Variants in MAML2 observed in about 807,000 individuals in gnomAD.
MAML2 encodes mastermind like transcriptional coactivator 2, also known as mastermind-like protein 2.
In MAML2, 22 loss-of-function variants were observed where a neutral mutation model predicts 96.1. The observed-to-expected ratio is 0.23, with a 90% confidence interval of 0.16 to 0.33. The LOEUF is 0.33. Ranked by LOEUF, MAML2 falls within the 10% of genes least tolerant of loss-of-function variation. The pLI is 1.00. For missense variants in MAML2, 1,367 were observed against 1,392.4 expected (o/e 0.98, Z 0.29); for synonymous variants, 561 against 521.3 (o/e 1.08, Z -1.04).
chr11:96,057,622 A>G (rs1167554737), intron 2 of MAML2, among the ~76,000 whole-genome samples: 1 of 152,228 alleles, frequency 6.6e-6, no homozygotes, highest in Non-Finnish European at 1.5e-5. Context: ...AAAGATTCAC[A>G]TTATTACGAC....
At chr11:96,149,074 C>G (rs1023675162) in intron 1 of MAML2, among the ~76,000 whole-genome samples, 2 of 152,146 alleles carry the variant, frequency 1.3e-5, no homozygotes, top group Non-Finnish European at 2.9e-5. Context: ...CTGTGACATG[C>G]AACCCAGTCA....
At chr11:96,030,855 A>G (rs1858603102) in intron 2 of MAML2, among the ~76,000 whole-genome samples, 1 of 152,224 alleles carries the variant, frequency 6.6e-6, no homozygotes, top group African/African-American at 2.4e-5. Context: ...ATCCCAAGGG[A>G]AAATGGTGCT....
chr11:96,127,838 ATC>A (rs1378549917), intron 1 of MAML2, among the ~76,000 whole-genome samples: 11 of 152,178 alleles, frequency 7.2e-5, no homozygotes, highest in Non-Finnish European at 1.3e-4. Context: ...CTGACTTCCC[ATC>A]CTAGTGGCCC....
chr11:96,233,371 A>G (rs956707346), intron 1 of MAML2, among the ~76,000 whole-genome samples: 1 of 150,990 alleles, frequency 6.6e-6, no homozygotes, highest in African/African-American at 2.4e-5. Flanking sequence ...AAAAAAACAG[A>G]CATTCATGTG....
At chr11:95,980,043 A>G in intron 4 of MAML2, 80 bp from the exon 5 acceptor site, 3 of 1,081,536 alleles carry the variant, frequency 2.8e-6, no homozygotes, top group Admixed American at 2.7e-5. Context: ...TAACTCATCA[A>G]TCTGAAACTG....
At chr11:96,299,912 G>A (rs1315279917) in intron 1 of MAML2, among the ~76,000 whole-genome samples, 1 of 152,236 alleles carries the variant, frequency 6.6e-6, no homozygotes, top group African/African-American at 2.4e-5. Context: ...AAGGGATAAG[G>A]AAGTCCAGGA....
At chr11:95,986,199 T>TTTTG (rs368526623) in intron 3 of MAML2, among the ~76,000 whole-genome samples, 55 of 152,112 alleles carry the variant, frequency 3.6e-4, no homozygotes, top group African/African-American at 1.1e-3. Flanking sequence ...TCTTATTTGT[T>TTTTG]TTTGTTTGTT....
At position 95,978,745 on chromosome 11, in the gene MAML2, C is replaced by T. The variant is rs1857686136; in HGVS notation, c.*203G>A. The stretch of plus-strand genomic sequence containing the variant: ...GGAGTTTAGACAGGGAAAAGTGATC[C>T]CAATATTTTACTTTCAGGTGTAAGA... On this transcript the variant is annotated 3_prime_UTR_variant, in exon 5 of 5. Coordinates refer to ENST00000524717, the MANE Select transcript of MAML2 (RefSeq NM_032427.4). The T allele has an allele frequency of 5.4e-6, 3 of 557,534 alleles. No individual in the cohort carries two copies. The highest frequency in any genetic ancestry group is 9.3e-6 in the Non-Finnish European group (3 of 320,892). 34.5% of individuals were successfully genotyped at this position (557,534 alleles called of 1,614,324 possible).
intron 1 of MAML2, among the ~76,000 whole-genome samples, chr11:96,261,292 C>T (rs1862745743): frequency 1.3e-5 from 2 of 152,152 alleles, no homozygotes; most frequent in African/African-American, 4.8e-5. Context: ...TCCCCACCAC[C>T]AAGAAGGCTA....
chr11:96,021,767 T>C (rs1043975381), intron 2 of MAML2, among the ~76,000 whole-genome samples: 4 of 152,112 alleles, frequency 2.6e-5, no homozygotes, highest in African/African-American at 7.2e-5. Flanking sequence ...GCCATTGAGA[T>C]TTTGACATTA....
intron 1 of MAML2, among the ~76,000 whole-genome samples, chr11:96,217,949 G>A (rs1862074379): frequency 6.6e-6 from 1 of 152,144 alleles, no homozygotes; most frequent in East Asian, 1.9e-4. Flanking sequence ...GACCTGAAAG[G>A]ATTTATGTCT....
intron 2 of MAML2, among the ~76,000 whole-genome samples, chr11:95,993,127 C>T (rs924988487): frequency 2.7e-5 from 4 of 150,828 alleles, no homozygotes; most frequent in African/African-American, 9.8e-5. Flanking sequence ...CCAGGCTGGT[C>T]TCAAAGTCAA....
At chr11:96,077,649 C>G (rs1859464085) in intron 2 of MAML2, among the ~76,000 whole-genome samples, 1 of 152,130 alleles carries the variant, frequency 6.6e-6, no homozygotes, top group African/African-American at 2.4e-5. Context: ...TTTTCAGAAG[C>G]AAACCATTTT....
intron 2 of MAML2, 131 bp downstream of exon 2, chr11:96,091,761 A>G: frequency 7.5e-7 from 1 of 1,333,324 alleles, no homozygotes; most frequent in Non-Finnish European, 1.0e-6. Context: ...AGGTCTTCAT[A>G]TGACTCCATC....
intron 1 of MAML2, among the ~76,000 whole-genome samples, chr11:96,263,229 T>C (rs1449593798): frequency 6.6e-6 from 1 of 152,258 alleles, no homozygotes; most frequent in African/African-American, 2.4e-5. Flanking sequence ...CAAAATGTCA[T>C]GTCCAATTCA....
At chr11:96,226,693 C>G (rs1862214500) in intron 1 of MAML2, among the ~76,000 whole-genome samples, 1 of 152,112 alleles carries the variant, frequency 6.6e-6, no homozygotes, top group Admixed American at 6.5e-5. Flanking sequence ...CAGACAGTGT[C>G]AATTCTTAAT....
intron 1 of MAML2, among the ~76,000 whole-genome samples, chr11:96,191,883 A>G (rs1026521363): frequency 1.4e-4 from 22 of 152,084 alleles, no homozygotes; most frequent in African/African-American, 5.3e-4. Context: ...CAACACATGG[A>G]GTTGTAAGAG....
At chr11:96,150,551 T>C (rs185885058) in intron 1 of MAML2, among the ~76,000 whole-genome samples, 29 of 152,228 alleles carry the variant, frequency 1.9e-4, no homozygotes, top group East Asian at 1.2e-3. Flanking sequence ...CTGGCAACTC[T>C]GAGGAAATTG....
At chr11:96,027,516 T>C (rs538294184) in intron 2 of MAML2, among the ~76,000 whole-genome samples, 1 of 152,136 alleles carries the variant, frequency 6.6e-6, no homozygotes, top group East Asian at 1.9e-4. Context: ...ATCTGGAAAA[T>C]AAACACAATG....
Sources: gnomAD v4.1 joint callset for allele counts (sites outside exome capture counted in the v4.1 genomes callset) on GRCh38, gnomAD v4.1.1 for gene constraint, MANE v1.5 for transcripts, NCBI Gene and HGNC (gene_info 2026-07-23, HGNC 2026-07-21) for gene names.